The following MPDZ variants were observed in gnomAD, a reference collection of about 807,000 sequenced individuals.
MPDZ encodes multiple PDZ domain crumbs cell polarity complex component, also known as multiple PDZ domain protein.
MPDZ carries 234 observed loss-of-function variants against 239.1 expected under a neutral mutation model. The observed-to-expected ratio is 0.98, with a 90% CI of 0.88 to 1.09. The LOEUF (loss-of-function observed/expected upper bound fraction) is 1.09, where lower values mean the gene tolerates loss of function less well. Among genes scored for constraint, MPDZ ranks in the 50% least tolerant of loss-of-function variants. The pLI is 0.00. For missense variants in MPDZ, 3,175 were observed against 2,510.0 expected (o/e 1.26, Z -5.66); for synonymous variants, 1,048 against 881.3 (o/e 1.19, Z -3.35).
At chr9:13,212,972 T>C (rs1232130156) in intron 10 of MPDZ, among the ~76,000 whole-genome samples, 1 of 151,908 alleles carries the variant, frequency 6.6e-6, no homozygotes, top group East Asian at 1.9e-4. Context: ...CCTATACGTA[T>C]AAAGAGAGAA....
chr9:13,150,340 G>C (rs1587274566), intron 25 of MPDZ, among the ~76,000 whole-genome samples, 171 bp downstream of exon 25: 2 of 151,954 alleles, frequency 1.3e-5, no homozygotes, highest in South Asian at 4.2e-4. Flanking sequence ...TCGAATGCTG[G>C]GTTGAGTAAC....
intron 24 of MPDZ, among the ~76,000 whole-genome samples, chr9:13,155,500 G>A (rs542696214): frequency 7.2e-5 from 11 of 152,036 alleles, no homozygotes; most frequent in African/African-American, 2.7e-4. Context: ...GAATGAATTA[G>A]ATCTTTAAGT....
At chr9:13,177,085 T>A (rs1952600576) in intron 19 of MPDZ, among the ~76,000 whole-genome samples, 1 of 152,178 alleles carries the variant, frequency 6.6e-6, no homozygotes. Flanking sequence ...TCTCTTTATA[T>A]AATTTCTACA....
chr9:13,162,662 CATTGTATT>C, intron 23 of MPDZ, 21 bp downstream of exon 23: 1 of 1,449,904 alleles, frequency 6.9e-7, no homozygotes, highest in African/African-American at 1.4e-5. Context: ...CTGTACCATT[CATTGTATT>C]AGATTTAATG....
intron 1 of MPDZ, among the ~76,000 whole-genome samples, chr9:13,262,924 G>C (rs1304970765): frequency 1.3e-5 from 2 of 152,082 alleles, no homozygotes. Flanking sequence ...TTCAACAATG[G>C]ATTAAAAGGA....
At chr9:13,196,766 T>G (rs1200400812) in intron 12 of MPDZ, among the ~76,000 whole-genome samples, 2 of 151,978 alleles carry the variant, frequency 1.3e-5, no homozygotes, top group Non-Finnish European at 2.9e-5. Context: ...TCTCAATAAT[T>G]TACAAAAAGA....
chr9:13,131,371 G>T (rs1297561519), intron 32 of MPDZ, among the ~76,000 whole-genome samples: 1 of 152,162 alleles, frequency 6.6e-6, no homozygotes, highest in Non-Finnish European at 1.5e-5. Flanking sequence ...TAAGCACTTT[G>T]TATAAATTCT....
Position 13,106,981 on chromosome 9 carries a change from A to G in MPDZ, c.6197T>C (p.Leu2066Ser). ...ILKRTKGTVTLMVLS is the reference protein window; with the variant it reads ...ILKRTKGTVTSMVLS ...GCAGCCAATTCAAGAGAGAACCATC[A>G]AAGTGACAGTGCCTTTTGTCCGTTT... The change falls in exon 47 of 47, where the codon TTG (leucine) becomes TCG (serine). Residue 2066 changes from leucine to serine, a missense_variant. Physicochemically the swap from Leu to Ser is moderately radical, Grantham distance 145. Transcript: ENST00000319217. The G allele has an allele frequency of 6.2e-7, 1 of 1,613,674 alleles. No individual in the cohort carries two copies. Among genetic ancestry groups the G allele is most frequent in the Non-Finnish European group, 8.5e-7 (1 of 1,179,626 alleles).
chr9:13,272,946 C>T (rs1973341151), intron 1 of MPDZ, among the ~76,000 whole-genome samples: 1 of 152,062 alleles, frequency 6.6e-6, no homozygotes, highest in South Asian at 2.1e-4. Context: ...ATCCTAACCC[C>T]CAAAGTAATG....
chr9:13,152,617 C>T (rs1949329168), intron 24 of MPDZ, among the ~76,000 whole-genome samples: 3 of 151,914 alleles, frequency 2.0e-5, no homozygotes, highest in South Asian at 2.1e-4. Flanking sequence ...TCTCGGGGTA[C>T]GTCTATATCA....
Position 13,224,501 on chromosome 9 carries a change from T to C in MPDZ, c.266A>G (p.Gln89Arg). The change falls in exon 4 of 47, where the codon CAA becomes CGA. Residue 89 changes from glutamine (Q) to arginine (R), a missense_variant. By Grantham distance (43) the Gln-to-Arg change is conservative. Transcript: ENST00000319217. ...TGGGGATAATAAAAACGATTCATTT[T>C]GCAGAGTAGGAATCACAGCTGGGCT... ...HLSPAVIPTL[Q>R]NESFLLSPNN... 1 of 1,612,912 alleles carries C rather than the reference T, an allele frequency of 6.2e-7. No individual in the cohort carries two copies. Among genetic ancestry groups the C allele is most frequent in the Non-Finnish European group, 8.5e-7 (1 of 1,179,254 alleles).
chr9:13,161,654 A>C (rs1365910640), intron 23 of MPDZ, among the ~76,000 whole-genome samples: 1 of 152,138 alleles, frequency 6.6e-6, no homozygotes, highest in East Asian at 1.9e-4. Flanking sequence ...CCACATGCTT[A>C]CAAGAAATTT....
intron 41 of MPDZ, among the ~76,000 whole-genome samples, chr9:13,113,355 T>G (rs538219906): frequency 5.3e-5 from 8 of 152,294 alleles, no homozygotes; most frequent in African/African-American, 1.7e-4. Context: ...AAGGCACATG[T>G]GCACGGCTGA....
At chr9:13,275,822 T>C (rs1005018453) in intron 1 of MPDZ, among the ~76,000 whole-genome samples, 1 of 152,150 alleles carries the variant, frequency 6.6e-6, no homozygotes, top group African/African-American at 2.4e-5. Context: ...TCCAGAAATA[T>C]ACAAATTGAA....
chr9:13,208,275 C>G (rs576432864), intron 10 of MPDZ, among the ~76,000 whole-genome samples: 3 of 152,178 alleles, frequency 2.0e-5, no homozygotes, highest in South Asian at 2.1e-4. Flanking sequence ...GAAACCCTGT[C>G]TCTATAAAAA....
intron 23 of MPDZ, among the ~76,000 whole-genome samples, 169 bp from the exon 24 acceptor site, chr9:13,158,279 A>T (rs1414579136): frequency 6.6e-6 from 1 of 152,202 alleles, no homozygotes; most frequent in Non-Finnish European, 1.5e-5. Flanking sequence ...AAACGTAACC[A>T]AACAAAATTA....
chr9:13,272,363 A>C (rs553183958), intron 1 of MPDZ, among the ~76,000 whole-genome samples: 2 of 152,126 alleles, frequency 1.3e-5, no homozygotes, highest in Non-Finnish European at 1.5e-5. Context: ...AGAGCTAAAA[A>C]TACTTTGTGA....
chr9:13,134,466 T>A (rs111277679), intron 31 of MPDZ: 1 of 152,356 alleles, frequency 6.6e-6, no homozygotes, highest in East Asian at 1.9e-4. Flanking sequence ...GCAGCCGGAA[T>A]GAGACAATGA....
At position 13,121,907 on chromosome 9, in the gene MPDZ, G is replaced by C; in HGVS notation, c.5063C>G (p.Ala1688Gly). The C allele has an allele frequency of 6.2e-7, 1 of 1,613,584 alleles. No individual in the cohort carries two copies. The change falls in exon 38 of 47, where the codon GCC becomes GGC. Residue 1688 changes from alanine (A) to glycine (G), a missense_variant. Coordinates refer to ENST00000319217, the MANE Select transcript of MPDZ (RefSeq NM_001378778.1). The part of the protein sequence containing the change: ...LEVNGIDLRK[A>G]THDEAINVLR... Reference sequence around the variant, plus strand: ...GACATTGATTGCTTCATCATGTGTGGCCTTTCTCAAGTCAATTCCATTCAC... The same window carrying C: ...GACATTGATTGCTTCATCATGTGTGCCCTTTCTCAAGTCAATTCCATTCAC...
Sources: gnomAD v4.1 joint callset for allele counts (sites outside exome capture counted in the v4.1 genomes callset) on GRCh38, gnomAD v4.1.1 for gene constraint, MANE v1.5 for transcripts, NCBI Gene and HGNC (gene_info 2026-07-23, HGNC 2026-07-21) for gene names.